Variants in IBA57 observed in about 807,000 individuals in gnomAD.
IBA57 encodes the protein iron-sulfur cluster assembly factor IBA57, also known as iron-sulfur cluster assembly factor IBA57, mitochondrial.
A neutral mutation model predicts 20.4 loss-of-function variants in IBA57; 20 were observed. The observed-to-expected ratio is 0.98, with a 90% CI of 0.69 to 1.42. The LOEUF (loss-of-function observed/expected upper bound fraction) is 1.42. Ranked by LOEUF, IBA57 falls within the 40% of genes most tolerant of loss-of-function variation. The pLI, the probability that IBA57 is intolerant of heterozygous loss-of-function variation, is 0.00. For missense variants in IBA57, 608 were observed against 499.3 expected, an observed-to-expected ratio of 1.22 and a Z score of -2.07; for synonymous variants, 310 against 233.9, an observed-to-expected ratio of 1.33 and a Z score of -2.97.
chr1:228,167,623 C>T (rs987586915), intron 1 of IBA57, among the ~76,000 whole-genome samples: 1 of 152,230 alleles, frequency 6.6e-6, no homozygotes, highest in African/African-American at 2.4e-5. Flanking sequence ...TCCCAAAGTG[C>T]AGGGATTACA....
Position 228,175,741 on chromosome 1 carries a change from C to A in IBA57, c.*228C>A. The A allele has an allele frequency of 2.1e-6, 1 of 483,316 alleles. No individual in the cohort carries two copies. Among genetic ancestry groups the A allele is most frequent in the East Asian group, 3.4e-5 (1 of 29,220 alleles). 29.9% of individuals were successfully genotyped at this position (483,316 alleles called of 1,614,324 possible). ...TGGACTTCCTGTGGCCCCAGAGGAG[C>A]CCACCGTGTGAGTGCTGGGCTCCAG... On this transcript the variant is annotated 3_prime_UTR_variant, in exon 3 of 3. Transcript: ENST00000366711.
intron 1 of IBA57, among the ~76,000 whole-genome samples, chr1:228,173,913 T>A (rs2034962585): frequency 6.6e-6 from 1 of 152,232 alleles, no homozygotes; most frequent in South Asian, 2.1e-4. Context: ...TTTGCCTGCT[T>A]AGACGAGAGC....
At position 228,170,072 on chromosome 1, in the gene IBA57, T is replaced by C. The variant is rs1039309853; in HGVS notation, c.341+3915T>C. ...TTTTAGTAGAGACGGGGTTTCACCA[T>C]GTTGGTCAGGCTGGTCTCGAACTAC... On this transcript the variant is annotated intron_variant, in intron 1 of 2. Transcript: ENST00000366711. The surrounding 1 kb of genome is among the most constrained non-coding windows in gnomAD (Gnocchi z 4.8). Among the ~76,000 whole-genome samples the C allele has an allele frequency of 1.3e-5, 2 of 152,172 alleles. No individual in the cohort carries two copies. Among genetic ancestry groups the C allele is most frequent in the Non-Finnish European group, 2.9e-5 (2 of 68,030 alleles).
intron 1 of IBA57, 28 bp downstream of exon 1, chr1:228,166,185 G>C (rs2034850429): frequency 1.4e-6 from 2 of 1,407,534 alleles, no homozygotes; most frequent in Middle Eastern, 1.9e-4. Context: ...GGGCGCTCGG[G>C]GGCGGGCACC....
rs2035095775 is a variant in IBA57, at chr1:228,180,659, T to C, written c.*5146T>C. The C allele has an allele frequency of 6.6e-6, 1 of 151,966 alleles. No individual in the cohort carries two copies. 9.4% of individuals were successfully genotyped at this position (151,966 alleles called of 1,614,324 possible). ...AAAATCGTAGTTGGGAGTGTTTTTTTTTTTTTTGAGACAGAGTCTCACTCT... is the reference window on the plus strand; with the variant it reads ...AAAATCGTAGTTGGGAGTGTTTTTTCTTTTTTTGAGACAGAGTCTCACTCT... On this transcript the variant is annotated 3_prime_UTR_variant, in exon 3 of 3. Coordinates refer to ENST00000366711, the MANE Select transcript of IBA57 (RefSeq NM_001010867.4).
At position 228,165,854 on chromosome 1, in the gene IBA57, G is replaced by C; in HGVS notation, c.38G>C (p.Gly13Ala). 1 of 1,307,988 alleles carries C rather than the reference G, an allele frequency of 7.6e-7. No individual in the cohort carries two copies. Among genetic ancestry groups the C allele is most frequent in the Non-Finnish European group, 9.7e-7 (1 of 1,034,442 alleles). The allele number at this position is 1,307,988 out of a possible 1,614,324, so 81.0% of individuals were successfully genotyped here. Residue 13 changes from glycine (G) to alanine (A), a missense_variant, in exon 1 of 3, where the codon GGG (glycine) becomes GCG (alanine). Transcript: ENST00000366711. ...TAALLRGATP[G>A]RGGPVWRWRL... ...GCGCTGCTTCGAGGCGCCACTCCGGGGCGCGGCGGCCCGGTCTGGCGCTGG... is the reference window on the plus strand; with the variant it reads ...GCGCTGCTTCGAGGCGCCACTCCGGCGCGCGGCGGCCCGGTCTGGCGCTGG...
rs2034978847 is a variant in IBA57, at chr1:228,174,675, T to C, written c.342-17T>C. 5 of 1,521,022 alleles carry C rather than the reference T, an allele frequency of 3.3e-6. No homozygotes were observed. The highest frequency in any genetic ancestry group is 4.4e-6 in the Non-Finnish European group (5 of 1,136,086). 94.2% of individuals were successfully genotyped at this position (1,521,022 alleles called of 1,614,324 possible). ...CAGTTGGTGAGCTGCCATGCGCCCC[T>C]GCCTCTCTCCCTGCAGGCTCCAGGA... is the stretch of plus-strand genomic sequence containing the variant. On this transcript the variant is annotated splice_polypyrimidine_tract_variant and intron_variant, in intron 1 of 2. Coordinates refer to ENST00000366711, the MANE Select transcript of IBA57 (RefSeq NM_001010867.4).
At position 228,180,309 on chromosome 1, in the gene IBA57, GGAA is replaced by G. The variant is rs1402324684; in HGVS notation, c.*4801_*4803del. ...GGGATCCTGTGGGGAAGCTGGAGAT[GGAA>G]GAAGGAGTGAATAGGCAGGAAGGTG... On this transcript the variant is annotated 3_prime_UTR_variant, in exon 3 of 3. Transcript: ENST00000366711. 6.6e-6 allele frequency: 1 copy of G among 152,214 alleles called. No individual in the cohort carries two copies. Among genetic ancestry groups the G allele is most frequent in the Non-Finnish European group, 1.5e-5 (1 of 68,068 alleles). 9.4% of individuals were successfully genotyped at this position (152,214 alleles called of 1,614,324 possible).
At chr1:228,172,635 G>A (rs1204919077) in intron 1 of IBA57, 1 of 152,254 alleles carries the variant, frequency 6.6e-6, no homozygotes, top group Non-Finnish European at 1.5e-5. Flanking sequence ...TGCAGTCTTC[G>A]TTTCTCAGTG....
chr1:228,178,955 C>A lies in IBA57; in HGVS notation c.*3442C>A. 1 of 152,246 alleles carries A rather than the reference C, an allele frequency of 6.6e-6. No individual in the cohort carries two copies. 9.4% of individuals were successfully genotyped at this position (152,246 alleles called of 1,614,324 possible). A position where few individuals can be genotyped will look rare whatever the true frequency, so the allele number is the denominator to read the frequency against. The stretch of plus-strand genomic sequence containing the variant: ...AAGCTGTAGGAGTGGTCCCTGGCTG[C>A]CAGAGTGCTCTGGCCAGATAGAGGT... On this transcript the variant is annotated 3_prime_UTR_variant, in exon 3 of 3. Coordinates refer to ENST00000366711, the MANE Select transcript of IBA57 (RefSeq NM_001010867.4).
rs1217995808 is a variant in IBA57, at chr1:228,165,946, G to T, written c.130G>T (p.Ala44Ser). ...CTGCAGTCCTGGTGGCGACCCAACG[G>T]CCGGAGCGGCCTGGGCCTGCTTCCG... ...SSCSPGGDPTAGAAWACFRLD... is the reference protein window; with the variant it reads ...SSCSPGGDPTSGAAWACFRLD... Residue 44 changes from alanine (A) to serine (S), a missense_variant, in exon 1 of 3, where the codon GCC (alanine) becomes TCC (serine). Coordinates refer to ENST00000366711, the MANE Select transcript of IBA57 (RefSeq NM_001010867.4). The T allele has an allele frequency of 6.7e-7, 1 of 1,503,140 alleles. No individual in the cohort carries two copies. The highest frequency in any genetic ancestry group is 8.8e-7 in the Non-Finnish European group (1 of 1,133,540). 93.1% of individuals were successfully genotyped at this position (1,503,140 alleles called of 1,614,324 possible).
At chr1:228,171,285 A>C (rs1209764142) in intron 1 of IBA57, 1 of 151,994 alleles carries the variant, frequency 6.6e-6, no homozygotes, top group African/African-American at 2.4e-5. Context: ...ATGGAGAATG[A>C]TGAGGCTGAG....
rs1046087937 is a variant in IBA57, at chr1:228,175,157, G to T, written c.715G>T (p.Val239Leu). 15 of 1,612,764 alleles carry T rather than the reference G, an allele frequency of 9.3e-6. No homozygotes were observed. The highest frequency in any genetic ancestry group is 1.7e-5 in the Admixed American group (1 of 59,988). The change falls in exon 3 of 3, where the codon GTG becomes TTG. Residue 239 changes from valine to leucine, a missense_variant. By Grantham distance (32) the Val-to-Leu change is conservative. Coordinates refer to ENST00000366711, the MANE Select transcript of IBA57 (RefSeq NM_001010867.4). ...GGGGGTCCGAGACTTGCCTCCTGGGGTGGCCCTGCCCCTGGAGTCCAACCT... is the reference window on the plus strand; with the variant it reads ...GGGGGTCCGAGACTTGCCTCCTGGGTTGGCCCTGCCCCTGGAGTCCAACCT... ...PEGVRDLPPG[V>L]ALPLESNLAF...
rs1338997502 is a variant in IBA57 at position 228,166,053 on chromosome 1, G to A, written c.237G>A (p.Pro79=). 3 of 1,538,084 alleles carry A rather than the reference G, an allele frequency of 2.0e-6. No individual in the cohort carries two copies. The highest frequency in any genetic ancestry group is 1.7e-4 in the Middle Eastern group (1 of 5,932). Residue 79 remains proline (P), a synonymous_variant, in exon 1 of 3, where the codon CCG becomes CCA. Transcript: ENST00000366711. ...FLLGLLTNEL[P]LPSPAAAGAP... is the part of the protein sequence containing the mutation. ...TAGGGCTGCTGACCAATGAACTGCCGCTTCCGAGTCCTGCGGCCGCGGGGG... is the reference window on the plus strand; with the variant it reads ...TAGGGCTGCTGACCAATGAACTGCCACTTCCGAGTCCTGCGGCCGCGGGGG...
At position 228,181,615 on chromosome 1, in the gene IBA57, T is replaced by G. The variant is rs2035112629; in HGVS notation, c.*6102T>G. ...TGTGTGTACATACATTTTCCTGTCT[T>G]TCTGGTAAGCCCCTGGGGTGGAGCT... is the stretch of plus-strand genomic sequence containing the variant. On this transcript the variant is annotated 3_prime_UTR_variant, in exon 3 of 3. Transcript: ENST00000366711. 1 of 152,268 alleles carries G rather than the reference T, an allele frequency of 6.6e-6. No homozygotes were observed. Among genetic ancestry groups the G allele is most frequent in the South Asian group, 2.1e-4 (1 of 4,832 alleles). The allele number at this position is 152,268 out of a possible 1,614,324, so 9.4% of individuals were successfully genotyped here. A position where few individuals can be genotyped will look rare whatever the true frequency, so the allele number is the denominator to read the frequency against.
At chr1:228,173,529 C>T (rs1388800477) in intron 1 of IBA57, 1 of 152,030 alleles carries the variant, frequency 6.6e-6, no homozygotes, top group African/African-American at 2.4e-5. Context: ...GTCAGAATGG[C>T]TCTGGGGCCC....
chr1:228,173,733 C>G (rs1558125510), intron 1 of IBA57, among the ~76,000 whole-genome samples: 1 of 152,194 alleles, frequency 6.6e-6, no homozygotes, highest in Non-Finnish European at 1.5e-5. Context: ...GCTGTGCACA[C>G]CGTTCCCCTG....
At chr1:228,166,974 T>C (rs2034862166) in intron 1 of IBA57, among the ~76,000 whole-genome samples, 1 of 152,194 alleles carries the variant, frequency 6.6e-6, no homozygotes, top group Non-Finnish European at 1.5e-5. Context: ...TTTGGACTCA[T>C]TGTGTCTCTG....
intron 1 of IBA57, among the ~76,000 whole-genome samples, chr1:228,168,560 C>A (rs2034883425): frequency 6.6e-6 from 1 of 152,114 alleles, no homozygotes; most frequent in Admixed American, 6.6e-5. Context: ...CCCCAGCTCC[C>A]CTTACCAAGC....
Sources: allele counts gnomAD v4.1 joint callset (sites outside exome capture counted in the v4.1 genomes callset), GRCh38; gene constraint gnomAD v4.1.1; non-coding constraint Gnocchi (gnomAD v3.1); transcripts MANE v1.5; gene names NCBI Gene and HGNC (gene_info 2026-07-23, HGNC 2026-07-21).